CDK19: variants seen among roughly 807,000 people sequenced by gnomAD.
CDK19 encodes cyclin-dependent kinase 19.
In CDK19, 20 loss-of-function variants were observed where a neutral mutation model predicts 68.3. The ratio of observed to expected loss-of-function variants is 0.29; its 90% confidence interval spans 0.21 to 0.43. The LOEUF (loss-of-function observed/expected upper bound fraction) is 0.43, where lower values mean the gene tolerates loss of function less well. Ranked by LOEUF, CDK19 falls within the 20% of genes least tolerant of loss-of-function variation. The pLI is 1.00. For missense variants in CDK19, 339 were observed against 623.5 expected, an observed-to-expected ratio of 0.54 and a Z score of 4.86; for synonymous variants, 221 against 222.8, an observed-to-expected ratio of 0.99 and a Z score of 0.07.
At chr6:110,679,625 A>T (rs564453127) in intron 2 of CDK19, among the ~76,000 whole-genome samples, 65 of 152,260 alleles carry the variant, frequency 4.3e-4, no homozygotes, top group South Asian at 1.5e-3. Context: ...AACATAAAAA[A>T]TTTTTTTAAA....
At chr6:110,703,139 C>A (rs1204781037) in intron 2 of CDK19, among the ~76,000 whole-genome samples, 1 of 151,984 alleles carries the variant, frequency 6.6e-6, no homozygotes, top group Non-Finnish European at 1.5e-5. Flanking sequence ...CAGTTGAAAC[C>A]AGCATTTCCC....
chr6:110,713,911 A>G (rs1181220749), intron 2 of CDK19, among the ~76,000 whole-genome samples: 1 of 152,200 alleles, frequency 6.6e-6, no homozygotes, highest in Non-Finnish European at 1.5e-5. Context: ...AACCTTACTG[A>G]GTATTCTTTC....
chr6:110,656,312 T>G, intron 4 of CDK19, among the ~76,000 whole-genome samples: 1 of 152,186 alleles, frequency 6.6e-6, no homozygotes, highest in East Asian at 1.9e-4. Context: ...TATTCTGTAT[T>G]TTGTCTGTAA....
intron 4 of CDK19, among the ~76,000 whole-genome samples, chr6:110,666,206 G>A (rs1267722838): frequency 4.7e-5 from 7 of 148,146 alleles, no homozygotes; most frequent in Non-Finnish European, 7.5e-5. Flanking sequence ...ACGAGGTCAG[G>A]AGTTCAAGAC....
rs1206820412 is a variant in CDK19, at chr6:110,652,696, G to A, written c.457-13990C>T. Among the ~76,000 whole-genome samples, 4 of 152,200 alleles carry A rather than the reference G, an allele frequency of 2.6e-5. No individual in the cohort carries two copies. The South Asian group carries it at 6.2e-4, about 24-fold the overall frequency. ...ATCACTCAGCTATCTCTTGATAGAA[G>A]TTCTTGCAGTCACACTATGTCGAAA... On this transcript the variant is annotated intron_variant, in intron 4 of 12. Coordinates refer to ENST00000368911, the MANE Select transcript of CDK19 (RefSeq NM_015076.5).
At chr6:110,682,186 T>G (rs1440066204) in intron 2 of CDK19, among the ~76,000 whole-genome samples, 1 of 152,218 alleles carries the variant, frequency 6.6e-6, no homozygotes, top group East Asian at 1.9e-4. Flanking sequence ...AAATCCAATT[T>G]TCTATTCTTT....
At chr6:110,791,293 T>C (rs1400696960) in intron 1 of CDK19, among the ~76,000 whole-genome samples, 1 of 150,624 alleles carries the variant, frequency 6.6e-6, no homozygotes, top group Admixed American at 6.6e-5. Context: ...AAAAGAAAAA[T>C]GTAGAACAGT....
At chr6:110,710,786 A>T (rs1774880505) in intron 2 of CDK19, among the ~76,000 whole-genome samples, 1 of 152,216 alleles carries the variant, frequency 6.6e-6, no homozygotes. Flanking sequence ...ATCATCTTGA[A>T]GGCTAAGATA....
At chr6:110,703,750 G>A (rs894527937) in intron 2 of CDK19, among the ~76,000 whole-genome samples, 4 of 152,068 alleles carry the variant, frequency 2.6e-5, no homozygotes, top group Admixed American at 2.0e-4. Context: ...TGAAGTGGGA[G>A]GATTGCTTGA....
intron 8 of CDK19, among the ~76,000 whole-genome samples, chr6:110,625,643 G>C (rs1779043083): frequency 1.3e-5 from 2 of 152,024 alleles, no homozygotes; most frequent in African/African-American, 4.8e-5. Flanking sequence ...ATACATATTG[G>C]GAGTTATCCA....
chr6:110,731,684 T>C (rs1354600756), intron 2 of CDK19, among the ~76,000 whole-genome samples: 1 of 152,232 alleles, frequency 6.6e-6, no homozygotes, highest in Non-Finnish European at 1.5e-5. Flanking sequence ...TAACTGGCTA[T>C]TTCAATACTA....
chr6:110,688,905 G>A (rs537505656), intron 2 of CDK19, among the ~76,000 whole-genome samples: 2 of 152,300 alleles, frequency 1.3e-5, no homozygotes, highest in African/African-American at 4.8e-5. Flanking sequence ...ACTAGGCGAC[G>A]AGTGGGAAGT....
At chr6:110,764,413 G>C (rs751807180) in intron 1 of CDK19, among the ~76,000 whole-genome samples, 1 of 152,168 alleles carries the variant, frequency 6.6e-6, no homozygotes, top group Non-Finnish European at 1.5e-5. Flanking sequence ...AAGACAAATA[G>C]ATCAATGGAA....
At chr6:110,811,539 C>T (rs985083433) in intron 1 of CDK19, among the ~76,000 whole-genome samples, 1 of 152,136 alleles carries the variant, frequency 6.6e-6, no homozygotes, top group Non-Finnish European at 1.5e-5. Context: ...TGAGCCACGG[C>T]GCCCGGCCAA....
intron 2 of CDK19, among the ~76,000 whole-genome samples, chr6:110,698,901 T>C (rs568770236): frequency 6.6e-6 from 1 of 151,464 alleles, no homozygotes; most frequent in East Asian, 2.0e-4. Context: ...TAAAACCCCA[T>C]CTCTACAAAA....
intron 2 of CDK19, among the ~76,000 whole-genome samples, chr6:110,713,431 C>CA (rs34863234): frequency 0.28 from 13,355 of 47,346 alleles, 1,266 homozygotes; most frequent in East Asian, 0.47. Context: ...GACTCTGTCT[C>CA]AAAAAAAAAA....
intron 1 of CDK19, among the ~76,000 whole-genome samples, chr6:110,784,474 T>C (rs149286501): frequency 3.9e-5 from 6 of 152,252 alleles, no homozygotes; most frequent in Admixed American, 6.5e-5. Context: ...ATCAGAAAGA[T>C]AGACAATACC....
intron 2 of CDK19, among the ~76,000 whole-genome samples, chr6:110,737,822 GA>G (rs552158616): frequency 1.3e-5 from 2 of 151,438 alleles, no homozygotes; most frequent in Admixed American, 6.6e-5. Flanking sequence ...ATATTGCAAG[GA>G]AAAAAAACCC....
intron 1 of CDK19, among the ~76,000 whole-genome samples, chr6:110,808,368 G>A (rs1189070728): frequency 6.6e-6 from 1 of 152,208 alleles, no homozygotes; most frequent in Non-Finnish European, 1.5e-5. Flanking sequence ...ACTATAGCCT[G>A]CAGACTAAAT....
Sources: gnomAD v4.1 joint callset for allele counts (sites outside exome capture counted in the v4.1 genomes callset) on GRCh38, gnomAD v4.1.1 for gene constraint, MANE v1.5 for transcripts, NCBI Gene and HGNC (gene_info 2026-07-23, HGNC 2026-07-21) for gene names.